The following FRMD6 variants were observed in gnomAD, a reference collection of about 807,000 sequenced individuals.
The protein encoded by FRMD6 is FERM domain-containing protein 6.
FRMD6 carries 37 observed loss-of-function variants against 73.2 expected under a neutral mutation model. That is an observed-to-expected ratio of 0.51 (90% CI 0.39 to 0.66). The LOEUF (loss-of-function observed/expected upper bound fraction) is 0.66. FRMD6 is among the 30% of genes least tolerant of loss of function. The probability of loss-of-function intolerance (pLI) is 0.00; values close to 1 mark genes in which losing one functional copy is unlikely to be tolerated. For missense variants in FRMD6, 714 were observed against 780.5 expected, an observed-to-expected ratio of 0.91 and a Z score of 1.02; for synonymous variants, 273 against 282.2, an observed-to-expected ratio of 0.97 and a Z score of 0.33.
intron 2 of FRMD6, among the ~76,000 whole-genome samples, chr14:51,621,968 T>C (rs542211209): frequency 2.6e-5 from 4 of 152,326 alleles, no homozygotes; most frequent in Non-Finnish European, 4.4e-5. Flanking sequence ...ATTATTAAAA[T>C]GTAGACAAGA....
At chr14:51,531,634 A>G (rs1163673980) in intron 1 of FRMD6, among the ~76,000 whole-genome samples, 1 of 152,252 alleles carries the variant, frequency 6.6e-6, no homozygotes, top group African/African-American at 2.4e-5. Flanking sequence ...TTACATAATG[A>G]ATAGCACAAA....
chr14:51,588,805 G>T (rs1032886368), intron 2 of FRMD6, among the ~76,000 whole-genome samples: 1 of 152,182 alleles, frequency 6.6e-6, no homozygotes, highest in African/African-American at 2.4e-5. Flanking sequence ...GAAGGCCAGA[G>T]AATCAGACAC....
Position 51,708,128 on chromosome 14 carries a change from G to T in FRMD6, c.609G>T (p.Met203Ile). 1 of 1,613,266 alleles carries T rather than the reference G, an allele frequency of 6.2e-7. No homozygotes were observed. The highest frequency in any genetic ancestry group is 1.1e-5 in the South Asian group (1 of 91,052). The change falls in exon 7 of 14, where the codon ATG becomes ATT. Residue 203 changes from methionine to isoleucine, a missense_variant. Physicochemically the swap from Met to Ile is conservative, Grantham distance 10. Coordinates refer to ENST00000344768, the MANE Select transcript of FRMD6 (RefSeq NM_001267046.2). ...ACATCCTGAAGCACATTCCAAACAT[G>T]CACAAAGATCAGTTTGCACTAACAG... ...KDYILKHIPN[M>I]HKDQFALTAS...
At chr14:51,624,119 C>T (rs865817110) in intron 2 of FRMD6, among the ~76,000 whole-genome samples, 16 of 151,672 alleles carry the variant, frequency 1.1e-4, no homozygotes, top group Non-Finnish European at 1.2e-4. Flanking sequence ...TGGACACACA[C>T]GGGGAACAAC....
chr14:51,466,748 A>T, the FRMD6 span, among the ~76,000 whole-genome samples: 2,399 of 152,338 alleles, frequency 0.016, 37 homozygotes, highest in Non-Finnish European at 0.025. Flanking sequence ...TAAGTTCTAT[A>T]TGAAGCTTAT....
intron 2 of FRMD6, among the ~76,000 whole-genome samples, chr14:51,644,264 C>G (rs1302049987): frequency 1.3e-5 from 2 of 151,930 alleles, no homozygotes; most frequent in Non-Finnish European, 2.9e-5. Context: ...TCATCAATAC[C>G]TGAGATATCC....
intron 2 of FRMD6, among the ~76,000 whole-genome samples, chr14:51,642,968 G>T (rs1891878216): frequency 6.6e-6 from 1 of 152,146 alleles, no homozygotes; most frequent in Non-Finnish European, 1.5e-5. Flanking sequence ...TGGCCTAGGA[G>T]AAAGATACGG....
chr14:51,419,846 A>G, the FRMD6 span, among the ~76,000 whole-genome samples: 7 of 151,590 alleles, frequency 4.6e-5, no homozygotes, highest in South Asian at 2.1e-4. Flanking sequence ...TCCTTCCCTC[A>G]TTTGGTATAG....
At chr14:51,403,590 C>T in the FRMD6 span, among the ~76,000 whole-genome samples, 1 of 151,932 alleles carries the variant, frequency 6.6e-6, no homozygotes, top group Non-Finnish European at 1.5e-5. Flanking sequence ...TTTGTAGAGA[C>T]GAGATCTTGC....
intron 8 of FRMD6, 78 bp from the exon 9 acceptor site, chr14:51,712,405 T>G: frequency 1.2e-6 from 1 of 858,242 alleles, no homozygotes; most frequent in East Asian, 2.5e-5. Flanking sequence ...TATTTTGGTT[T>G]TCAGGGAAAG....
chr14:51,722,029 A>G lies in FRMD6; in HGVS notation c.1441A>G (p.Ile481Val). 5 of 1,614,156 alleles carry G rather than the reference A, an allele frequency of 3.1e-6. No individual in the cohort carries two copies. The highest frequency in any genetic ancestry group is 1.1e-5 in the South Asian group (1 of 91,086). The change falls in exon 12 of 14, where the codon ATC (isoleucine) becomes GTC (valine). Residue 481 changes from isoleucine to valine, a missense_variant. Coordinates refer to ENST00000344768, the MANE Select transcript of FRMD6 (RefSeq NM_001267046.2). ...ESLEVSPDMC[I>V]YITEDMLMSR... is the part of the protein sequence containing the mutation. ...TCTGGAAGTCAGCCCAGACATGTGC[A>G]TCTACATCACAGAGGACATGCTCAT...
Position 51,508,136 on chromosome 14 carries a change from A to G in FRMD6, c.-210+18716A>G, listed in dbSNP as rs575614748. Among the ~76,000 whole-genome samples the G allele has an allele frequency of 1.3e-3, 200 of 152,236 alleles. 1 individual carries two copies. Among genetic ancestry groups the G allele is most frequent in the African/African-American group, 4.6e-3 (192 of 41,550 alleles). ...TGCTAAAGTGGCCTTGGCCCGGGCA[A>G]TGAGCACCCCCCAGCCTGTCCCGTG... On this transcript the variant is annotated intron_variant, in intron 1 of 14. Transcript: ENST00000356218.
the FRMD6 span, among the ~76,000 whole-genome samples, chr14:51,418,881 A>C: frequency 6.6e-6 from 1 of 152,222 alleles, no homozygotes; most frequent in Non-Finnish European, 1.5e-5. Context: ...AAGCCTCAGC[A>C]ATGGCGGATG....
chr14:51,469,064 C>T, the FRMD6 span, among the ~76,000 whole-genome samples: 78 of 151,774 alleles, frequency 5.1e-4, 1 homozygote, highest in Admixed American at 3.0e-3. Context: ...CCTCAGCCTC[C>T]CGAGTAGCTG....
intron 1 of FRMD6, among the ~76,000 whole-genome samples, chr14:51,666,368 G>T (rs559908169): frequency 2.0e-5 from 3 of 152,170 alleles, no homozygotes; most frequent in Admixed American, 2.0e-4. Context: ...TTATTCATTT[G>T]GTAAATAGTA....
intron 1 of FRMD6, among the ~76,000 whole-genome samples, chr14:51,681,539 A>C (rs1894797840): frequency 6.6e-6 from 1 of 152,120 alleles, no homozygotes; most frequent in Non-Finnish European, 1.5e-5. Context: ...CCCAGGTGGG[A>C]AGTGTCTGAG....
At position 51,720,332 on chromosome 14, in the gene FRMD6, C is replaced by T. The variant is rs1897477749; in HGVS notation, c.1302C>T (p.His434=). The T allele has an allele frequency of 6.2e-7, 1 of 1,613,936 alleles. No homozygotes were observed. Among genetic ancestry groups the T allele is most frequent in the Non-Finnish European group, 8.5e-7 (1 of 1,180,040 alleles). ...CSSMTSHGSS[H]TSGVESGGKD... is the part of the protein sequence containing the mutation. Reference sequence around the variant, plus strand: ...CAATGACCAGTCATGGCAGCTCCCACACCTCAGGGGTGGAGAGTGGCGGCA... The same window carrying T: ...CAATGACCAGTCATGGCAGCTCCCATACCTCAGGGGTGGAGAGTGGCGGCA... Residue 434 remains histidine, a synonymous_variant, in exon 11 of 14, where the codon CAC becomes CAT. Coordinates refer to ENST00000344768, the MANE Select transcript of FRMD6 (RefSeq NM_001267046.2).
At chr14:51,442,112 G>A in the FRMD6 span, among the ~76,000 whole-genome samples, 3 of 152,142 alleles carry the variant, frequency 2.0e-5, no homozygotes, top group Non-Finnish European at 4.4e-5. Context: ...ATTCTGTGAA[G>A]CACATTAAAT....
At chr14:51,516,250 G>C (rs1279958334) in intron 1 of FRMD6, among the ~76,000 whole-genome samples, 1 of 152,174 alleles carries the variant, frequency 6.6e-6, no homozygotes, top group Non-Finnish European at 1.5e-5. Flanking sequence ...TTCCACCTGA[G>C]TTGATAAATT....
Sources: allele counts gnomAD v4.1 joint callset (sites outside exome capture counted in the v4.1 genomes callset), GRCh38; gene constraint gnomAD v4.1.1; transcripts MANE v1.5; gene names NCBI Gene and HGNC (gene_info 2026-07-23, HGNC 2026-07-21).